ARHGAP44: variants seen among roughly 807,000 people sequenced by gnomAD.
ARHGAP44 encodes Rho GTPase activating protein 44, also known as rho GTPase-activating protein 44.
A neutral mutation model predicts 106.8 loss-of-function variants in ARHGAP44; 43 were observed. The observed-to-expected ratio is 0.40, with a 90% CI of 0.32 to 0.52. The LOEUF (loss-of-function observed/expected upper bound fraction) is 0.52. ARHGAP44 is among the 20% of genes least tolerant of loss of function. The pLI, the probability that ARHGAP44 is intolerant of heterozygous loss-of-function variation, is 0.48. For synonymous variants in ARHGAP44, 439 were observed against 410.3 expected, an observed-to-expected ratio of 1.07 and a Z score of -0.85; for missense variants, 866 against 1,050.5, an observed-to-expected ratio of 0.82 and a Z score of 2.43.
intron 1 of ARHGAP44, among the ~76,000 whole-genome samples, chr17:12,806,632 G>A (rs1454930161): frequency 2.0e-5 from 3 of 152,162 alleles, no homozygotes; most frequent in African/African-American, 4.8e-5. Flanking sequence ...TTATGAGCAT[G>A]GATTCTGATG....
At chr17:12,893,370 G>A (rs745708132) in intron 1 of ARHGAP44, among the ~76,000 whole-genome samples, 130 of 152,256 alleles carry the variant, frequency 8.5e-4, no homozygotes, top group Middle Eastern at 3.4e-3. Context: ...ACTGCTGGGT[G>A]TTGGCAAGAG....
At position 12,897,186 on chromosome 17, in the gene ARHGAP44, T is replaced by G. The variant is rs1254824753; in HGVS notation, c.198+675T>G. 3.3e-5 allele frequency among the ~76,000 whole-genome samples: 5 copies of G among 152,318 alleles called. No homozygotes were observed. In the South Asian group the frequency reaches 8.3e-4, roughly 25 times the overall value. On this transcript the variant is annotated intron_variant, in intron 3 of 20. Coordinates refer to ENST00000379672, the MANE Select transcript of ARHGAP44 (RefSeq NM_014859.6). ...TTCTTAGACATTCACTTGGCTTTAT[T>G]ACAAGGGATATACAATCTAGGTTTT... is the stretch of plus-strand genomic sequence containing the variant.
intron 5 of ARHGAP44, among the ~76,000 whole-genome samples, chr17:12,919,135 G>A (rs531494849): frequency 4.6e-5 from 7 of 152,196 alleles, no homozygotes; most frequent in East Asian, 1.9e-4. Context: ...GATCTTCAGC[G>A]TACTCACCAT....
chr17:12,954,848 A>G (rs2039088573), intron 13 of ARHGAP44, among the ~76,000 whole-genome samples: 2 of 152,104 alleles, frequency 1.3e-5, no homozygotes, highest in Non-Finnish European at 2.9e-5. Context: ...CTCTTTTTAT[A>G]AAATAACTTT....
At chr17:12,935,569 C>CA (rs11364751) in intron 7 of ARHGAP44, among the ~76,000 whole-genome samples, 2,990 of 125,770 alleles carry the variant, frequency 0.024, 75 homozygotes, top group African/African-American at 0.073. Context: ...GACTCCATCT[C>CA]AAAAAAAAAA....
intron 4 of ARHGAP44, 40 bp downstream of exon 4, chr17:12,909,013 G>C: frequency 1.3e-6 from 2 of 1,530,890 alleles, no homozygotes; most frequent in Non-Finnish European, 1.8e-6. Flanking sequence ...CCAAATCTAA[G>C]TAAGTCCCCA....
chr17:12,956,885 A>G, intron 15 of ARHGAP44, 139 bp downstream of exon 15: 2 of 640,482 alleles, frequency 3.1e-6, no homozygotes, highest in Non-Finnish European at 5.5e-6. Context: ...ACACACACAC[A>G]CACGCATGCA....
chr17:12,984,873 T>C lies in ARHGAP44; in HGVS notation c.2282T>C (p.Leu761Pro), dbSNP rs996316874. 2.5e-6 allele frequency: 4 copies of C among 1,613,574 alleles called. No individual in the cohort carries two copies. The highest frequency in any genetic ancestry group is 1.3e-5 in the African/African-American group (1 of 74,920). The change falls in exon 20 of 21, where the codon CTA (leucine) becomes CCA (proline). Residue 761 changes from leucine (L) to proline (P), a missense_variant. By Grantham distance (98) the Leu-to-Pro change is moderately conservative. Coordinates refer to ENST00000379672, the MANE Select transcript of ARHGAP44 (RefSeq NM_014859.6). ...CCACAGTCCACGGAGGCCCCCATGC[T>C]AGATGGCATGTCCCCTGGGGAAAGC... ...SSPQSTEAPM[L>P]DGMSPGESMS...
chr17:12,916,577 G>T (rs957777582), intron 5 of ARHGAP44, among the ~76,000 whole-genome samples: 1 of 152,116 alleles, frequency 6.6e-6, no homozygotes, highest in African/African-American at 2.4e-5. Context: ...TAGAGACGGG[G>T]TTTCACCATG....
At chr17:12,795,288 G>A (rs1393546683) in intron 1 of ARHGAP44, among the ~76,000 whole-genome samples, 1 of 152,192 alleles carries the variant, frequency 6.6e-6, no homozygotes, top group African/African-American at 2.4e-5. Flanking sequence ...ACCGATTACT[G>A]GGTTAGCAAA....
chr17:12,973,135 T>C, intron 16 of ARHGAP44, 167 bp from the exon 17 acceptor site: 1 of 651,994 alleles, frequency 1.5e-6, no homozygotes, highest in Non-Finnish European at 2.6e-6. Flanking sequence ...AATAGGAGAG[T>C]CACTTTAGAG....
Position 12,974,214 on chromosome 17 carries a change from T to A in ARHGAP44, c.1667T>A (p.Leu556Gln). 6.5e-7 allele frequency: 1 copy of A among 1,546,854 alleles called. No individual in the cohort carries two copies. Residue 556 changes from leucine (L) to glutamine (Q), a missense_variant, in exon 18 of 21, where the codon CTG becomes CAG. Leu to Gln is a moderately radical substitution (Grantham distance 113, BLOSUM62 -2). Transcript: ENST00000379672. ...CCGCCCGCCGAGCTGGCTGCGCCCC[T>A]GCCTTCGCCGCTGCCGGAGCAGCCC... ...PAPPAELAAP[L>Q]PSPLPEQPLD...
rs370464592 is a variant in ARHGAP44 at position 12,792,408 on chromosome 17, C to T, written c.53+2517C>T. Among the ~76,000 whole-genome samples the T allele has an allele frequency of 7.2e-5, 11 of 151,808 alleles. No individual in the cohort carries two copies. The East Asian group carries it at 9.7e-4, about 13-fold the overall frequency. On this transcript the variant is annotated intron_variant, in intron 1 of 20. Transcript: ENST00000379672. ...TATGCCTGTGTAGATAGTGCAATGC[C>T]GTTTAGACTACTGACTCTCAATCGG...
chr17:12,845,479 G>C (rs145450718), intron 1 of ARHGAP44, among the ~76,000 whole-genome samples: 8,957 of 144,028 alleles, frequency 0.062, 461 homozygotes, highest in African/African-American at 0.14. Context: ...TTGCACTCCA[G>C]CCTGGTGACA....
chr17:12,952,342 G>A (rs770646528), intron 12 of ARHGAP44, among the ~76,000 whole-genome samples, 159 bp from the exon 13 acceptor site: 3 of 152,324 alleles, frequency 2.0e-5, no homozygotes, highest in Non-Finnish European at 2.9e-5. Context: ...GGAGAACATA[G>A]AGGGGTAAAT....
intron 1 of ARHGAP44, among the ~76,000 whole-genome samples, chr17:12,792,302 A>T (rs2033788168): frequency 6.6e-6 from 1 of 152,192 alleles, no homozygotes; most frequent in South Asian, 2.1e-4. Flanking sequence ...ATTTCTGGAC[A>T]GCACTCATCA....
chr17:12,984,757 T>G lies in ARHGAP44; in HGVS notation c.2166T>G (p.Thr722=). ...CCTCTCCTTCTGTCTTTACAAGCAC[T>G]TTGAGCAAATCGCGGCCCACTCCTA... ...PLASPSVFTS[T]LSKSRPTPKP... Residue 722 remains threonine (T), a synonymous_variant, in exon 20 of 21, where the codon ACT becomes ACG. Coordinates refer to ENST00000379672, the MANE Select transcript of ARHGAP44 (RefSeq NM_014859.6). The G allele has an allele frequency of 6.2e-7, 1 of 1,613,906 alleles. No individual in the cohort carries two copies. Among genetic ancestry groups the G allele is most frequent in the Non-Finnish European group, 8.5e-7 (1 of 1,179,878 alleles).
At chr17:12,888,456 T>G (rs1371324255) in intron 1 of ARHGAP44, among the ~76,000 whole-genome samples, 1 of 152,156 alleles carries the variant, frequency 6.6e-6, no homozygotes, top group Non-Finnish European at 1.5e-5. Context: ...ACAAACTGCA[T>G]ATGACTTTCA....
chr17:12,986,993 C>A, intron 20 of ARHGAP44: 1 of 1,033,120 alleles, frequency 9.7e-7, no homozygotes, highest in Non-Finnish European at 1.4e-6. Context: ...TTTGATGTGG[C>A]CCGTCTGGGA....
Sources: allele counts gnomAD v4.1 joint callset (sites outside exome capture counted in the v4.1 genomes callset), GRCh38; gene constraint gnomAD v4.1.1; transcripts MANE v1.5; gene names NCBI Gene and HGNC (gene_info 2026-07-23, HGNC 2026-07-21).